The following RBMS3 variants were observed in gnomAD, a reference collection of about 807,000 sequenced individuals.
RBMS3 encodes RNA-binding motif, single-stranded-interacting protein 3.
RBMS3 carries 27 observed loss-of-function variants against 66.8 expected under a neutral mutation model. That is an observed-to-expected ratio of 0.40 (90% CI 0.30 to 0.56). The LOEUF (loss-of-function observed/expected upper bound fraction) is 0.56. RBMS3 is among the 20% of genes least tolerant of loss of function. The pLI, the probability that RBMS3 is intolerant of heterozygous loss-of-function variation, is 0.40. For synonymous variants in RBMS3, 188 were observed against 183.0 expected, an observed-to-expected ratio of 1.03 and a Z score of -0.22; for missense variants, 513 against 549.5, an observed-to-expected ratio of 0.93 and a Z score of 0.66.
intron 4 of RBMS3, among the ~76,000 whole-genome samples, chr3:29,632,504 A>G (rs1227899632): frequency 6.6e-6 from 1 of 151,882 alleles, no homozygotes; most frequent in Non-Finnish European, 1.5e-5. Context: ...AAAAACTGAG[A>G]GCTACTAAAT....
chr3:29,540,927 A>G (rs2045731693), intron 3 of RBMS3, among the ~76,000 whole-genome samples: 1 of 152,124 alleles, frequency 6.6e-6, no homozygotes, highest in African/African-American at 2.4e-5. Context: ...TTTTTTCGGG[A>G]AGTGTTTCCC....
At chr3:29,822,417 G>A (rs149101382) in intron 6 of RBMS3, among the ~76,000 whole-genome samples, 1 of 152,110 alleles carries the variant, frequency 6.6e-6, no homozygotes, top group Non-Finnish European at 1.5e-5. Flanking sequence ...AATCAAACTT[G>A]CATTGCAGAC....
intron 4 of RBMS3, chr3:29,617,194 G>A (rs1476687728): frequency 2.6e-5 from 4 of 152,182 alleles, no homozygotes; most frequent in Admixed American, 6.5e-5. Flanking sequence ...CAGGAACACA[G>A]ACTTAACGTT....
chr3:29,997,787 C>G (rs1699344751), intron 14 of RBMS3, among the ~76,000 whole-genome samples: 1 of 151,962 alleles, frequency 6.6e-6, no homozygotes, highest in Non-Finnish European at 1.5e-5. Flanking sequence ...TAAGAGCTAT[C>G]TATGACAAAC....
chr3:29,928,180 TTA>T (rs1199975605), intron 10 of RBMS3, among the ~76,000 whole-genome samples: 2,122 of 102,464 alleles, frequency 0.021, 48 homozygotes, highest in East Asian at 0.072. Flanking sequence ...TCTTCAAATT[TTA>T]TATATATATA....
At chr3:29,488,809 T>A (rs1490351152) in intron 3 of RBMS3, among the ~76,000 whole-genome samples, 1 of 152,224 alleles carries the variant, frequency 6.6e-6, no homozygotes, top group Non-Finnish European at 1.5e-5. Flanking sequence ...GCAAATTGAT[T>A]TCCTATATAA....
At chr3:29,389,374 G>A (rs971701951) in intron 1 of RBMS3, among the ~76,000 whole-genome samples, 10 of 152,150 alleles carry the variant, frequency 6.6e-5, no homozygotes, top group Non-Finnish European at 8.8e-5. Context: ...GCAGAAGTGC[G>A]CTTGGCTTCT....
At chr3:29,793,570 T>C (rs2057084953) in intron 6 of RBMS3, among the ~76,000 whole-genome samples, 1 of 152,246 alleles carries the variant, frequency 6.6e-6, no homozygotes, top group South Asian at 2.1e-4. Flanking sequence ...AAGAAATGTA[T>C]TCTATTTTGA....
chr3:29,417,229 A>T (rs1304526683), intron 1 of RBMS3, among the ~76,000 whole-genome samples: 1 of 151,928 alleles, frequency 6.6e-6, no homozygotes, highest in African/African-American at 2.4e-5. Flanking sequence ...ATTCTAAACA[A>T]ATATTCATTT....
intron 12 of RBMS3, among the ~76,000 whole-genome samples, chr3:29,945,846 G>T (rs1044487647): frequency 1.3e-5 from 2 of 151,696 alleles, no homozygotes; most frequent in African/African-American, 4.8e-5. Context: ...GCCACTGAAA[G>T]TTCTAGAGCA....
chr3:29,316,462 C>A (rs1029286104), intron 1 of RBMS3, among the ~76,000 whole-genome samples: 1 of 151,608 alleles, frequency 6.6e-6, no homozygotes, highest in African/African-American at 2.4e-5. Flanking sequence ...ATGGTAGTTA[C>A]TATTATCATC....
chr3:29,818,363 G>T (rs968490994), intron 6 of RBMS3, among the ~76,000 whole-genome samples: 5 of 150,374 alleles, frequency 3.3e-5, no homozygotes, highest in African/African-American at 7.3e-5. Context: ...GTGAGACGAT[G>T]TTTTTTTACA....
chr3:30,003,307 G>C (rs917778856), intron 14 of RBMS3, among the ~76,000 whole-genome samples: 1 of 151,948 alleles, frequency 6.6e-6, no homozygotes, highest in African/African-American at 2.4e-5. Context: ...TGCCTAAAGG[G>C]TAAAGGGTAG....
At chr3:29,978,959 C>A (rs1400508844) in intron 12 of RBMS3, among the ~76,000 whole-genome samples, 1 of 151,886 alleles carries the variant, frequency 6.6e-6, no homozygotes, top group Non-Finnish European at 1.5e-5. Flanking sequence ...GACCCTGTCT[C>A]TACAAAAATA....
intron 3 of RBMS3, among the ~76,000 whole-genome samples, chr3:29,531,159 A>C (rs1477267814): frequency 6.6e-6 from 1 of 152,212 alleles, no homozygotes; most frequent in African/African-American, 2.4e-5. Flanking sequence ...TGTTACCAGG[A>C]GAATGGTGGT....
chr3:29,544,634 C>G (rs2045880437), intron 3 of RBMS3, among the ~76,000 whole-genome samples: 1 of 151,596 alleles, frequency 6.6e-6, no homozygotes, highest in African/African-American at 2.4e-5. Flanking sequence ...CCAGTACCCT[C>G]TAATTGCTAG....
chr3:29,932,141 G>A (rs916089987), intron 10 of RBMS3, among the ~76,000 whole-genome samples: 1 of 152,168 alleles, frequency 6.6e-6, no homozygotes, highest in Non-Finnish European at 1.5e-5. Context: ...TGATCAAATT[G>A]AAGCATGTCA....
chr3:29,669,720 C>T (rs1390002937), intron 4 of RBMS3, among the ~76,000 whole-genome samples: 13 of 152,038 alleles, frequency 8.6e-5, no homozygotes, highest in Admixed American at 8.5e-4. Context: ...TTCCTCATTC[C>T]ACTTTCTTCC....
At chr3:29,652,272 T>C (rs181364431) in intron 4 of RBMS3, among the ~76,000 whole-genome samples, 13 of 152,316 alleles carry the variant, frequency 8.5e-5, no homozygotes, top group South Asian at 6.2e-4. Flanking sequence ...TAAATTCTTA[T>C]GTTAATAAAA....
Sources: gnomAD v4.1 joint callset for allele counts (sites outside exome capture counted in the v4.1 genomes callset) on GRCh38, gnomAD v4.1.1 for gene constraint, MANE v1.5 for transcripts, NCBI Gene and HGNC (gene_info 2026-07-23, HGNC 2026-07-21) for gene names.